The following CHTOP variants were observed in gnomAD, a reference collection of about 807,000 sequenced individuals.
The protein encoded by CHTOP is chromatin target of PRMT1, also known as chromatin target of PRMT1 protein.
A neutral mutation model predicts 33.6 loss-of-function variants in CHTOP; 18 were observed. The observed-to-expected ratio is 0.54, with a 90% CI of 0.37 to 0.80. The LOEUF is 0.80. Among genes scored for constraint, CHTOP ranks in the 30% least tolerant of loss-of-function variants. The probability of loss-of-function intolerance (pLI) is 0.00; values close to 1 mark genes in which losing one functional copy is unlikely to be tolerated. For synonymous variants in CHTOP, 117 were observed against 127.7 expected, an observed-to-expected ratio of 0.92 and a Z score of 0.56; for missense variants, 263 against 336.8, an observed-to-expected ratio of 0.78 and a Z score of 1.71.
intron 2 of CHTOP, chr1:153,636,999 G>A (rs1668431514): frequency 4.9e-6 from 1 of 206,156 alleles, no homozygotes; most frequent in African/African-American, 2.3e-5. Context: ...CCAGTCCAAG[G>A]CCAGCAGTGT....
intron 5 of CHTOP, among the ~76,000 whole-genome samples, 196 bp from the exon 6 acceptor site, chr1:153,644,868 T>C (rs982213941): frequency 4.6e-5 from 7 of 152,240 alleles, no homozygotes; most frequent in Non-Finnish European, 1.0e-4. Flanking sequence ...GATCATGTGA[T>C]AGAGGATTCA....
At position 153,645,440 on chromosome 1, in the gene CHTOP, A is replaced by G. The variant is rs1668779612; in HGVS notation, c.*171A>G. 6.2e-6 allele frequency: 2 copies of G among 322,656 alleles called. No individual in the cohort carries two copies. The highest frequency in any genetic ancestry group is 5.3e-5 in the African/African-American group (2 of 37,786). The allele number at this position is 322,656 out of a possible 1,614,324, so 20.0% of individuals were successfully genotyped here. A position where few individuals can be genotyped will look rare whatever the true frequency, so the allele number is the denominator to read the frequency against. On this transcript the variant is annotated 3_prime_UTR_variant, in exon 6 of 6. Transcript: ENST00000368694. ...TAGTGTGTTCCTTTTACTTTTTGAT[A>G]CTGTGTTGTATGAAACCCTTTTGTC...
At chr1:153,640,826 A>T (rs1668594868) in intron 3 of CHTOP, among the ~76,000 whole-genome samples, 1 of 152,246 alleles carries the variant, frequency 6.6e-6, no homozygotes, top group Admixed American at 6.5e-5. Context: ...CTTACACAGC[A>T]CACCTCTAGA....
chr1:153,639,923 G>A (rs1318142395), intron 3 of CHTOP, among the ~76,000 whole-genome samples: 7 of 151,968 alleles, frequency 4.6e-5, no homozygotes, highest in South Asian at 4.1e-4. Context: ...ACAGGCGCCC[G>A]CCACCACACC....
chr1:153,634,865 TG>T (rs5777875), intron 1 of CHTOP, among the ~76,000 whole-genome samples: 68,248 of 146,318 alleles, frequency 0.47, 16,152 homozygotes, highest in East Asian at 0.66. Flanking sequence ...TATTTTTTTT[TG>T]GGGGGGGACG....
chr1:153,638,025 A>G (rs906604340), intron 2 of CHTOP: 3 of 415,722 alleles, frequency 7.2e-6, no homozygotes, highest in African/African-American at 2.0e-5. Context: ...CGTGTTTTTC[A>G]TACCTTCCAC....
At chr1:153,637,998 G>T in intron 2 of CHTOP, 1 of 348,182 alleles carries the variant, frequency 2.9e-6, no homozygotes, top group Non-Finnish European at 5.4e-6. Context: ...TCTGTCTCTT[G>T]TCATATCTGC....
rs565699399 is a variant in CHTOP at position 153,636,792 on chromosome 1, G to A, written c.65+139G>A. On this transcript the variant is annotated intron_variant, in intron 2 of 5. Transcript: ENST00000368694. ...ACCTCTGTTCTTAGTTGCATCTCAT[G>A]TGGTACACAAAACAAATTGGGCGGT... The A allele has an allele frequency of 5.9e-4, 399 of 673,170 alleles. 2 individuals are homozygous for A. In the African/African-American group the frequency reaches 6.8e-3, roughly 11 times the overall value. 41.7% of individuals were successfully genotyped at this position (673,170 alleles called of 1,614,324 possible).
In CHTOP at chr1:153,646,038, G is replaced by GA. The variant is rs1668815124; in HGVS notation, c.*770dup. On this transcript the variant is annotated 3_prime_UTR_variant, in exon 6 of 6. Transcript: ENST00000368694. ...TAGGGTTGGTTTATACTGCAATATA[G>GA]AGGATCAGAAGCCATTTGATTTGGT... The GA allele has an allele frequency of 6.6e-6, 1 of 152,246 alleles. No individual in the cohort carries two copies. The highest frequency in any genetic ancestry group is 1.5e-5 in the Non-Finnish European group (1 of 68,050). The allele number at this position is 152,246 out of a possible 1,614,324, so 9.4% of individuals were successfully genotyped here.
At chr1:153,639,622 C>G (rs1668543501) in intron 3 of CHTOP, among the ~76,000 whole-genome samples, 1 of 152,160 alleles carries the variant, frequency 6.6e-6, no homozygotes, top group Non-Finnish European at 1.5e-5. Context: ...CTCAGGAAAG[C>G]AGCAAAAGGC....
chr1:153,640,226 G>A (rs1021428438), intron 3 of CHTOP, among the ~76,000 whole-genome samples: 1 of 151,928 alleles, frequency 6.6e-6, no homozygotes, highest in African/African-American at 2.4e-5. Context: ...TGTAATCCCA[G>A]CACTCTGGGA....
At position 153,645,275 on chromosome 1, in the gene CHTOP, G is replaced by A. The variant is rs1668772498; in HGVS notation, c.*6G>A. The A allele has an allele frequency of 6.2e-7, 1 of 1,613,826 alleles. No homozygotes were observed. Among genetic ancestry groups the A allele is most frequent in the Non-Finnish European group, 8.5e-7 (1 of 1,179,852 alleles). On this transcript the variant is annotated 3_prime_UTR_variant, in exon 6 of 6. Transcript: ENST00000368694. ...ATCCCGAAACCAATGATTGAAGCCT[G>A]CCCATCCTCCCATGAGAGACTCTTG...
In CHTOP at chr1:153,643,384, C is replaced by G; in HGVS notation, c.541+20C>G. The G allele has an allele frequency of 6.6e-7, 1 of 1,512,576 alleles. No homozygotes were observed. Among genetic ancestry groups the G allele is most frequent in the Non-Finnish European group, 8.8e-7 (1 of 1,132,992 alleles). 93.7% of individuals were successfully genotyped at this position (1,512,576 alleles called of 1,614,324 possible). On this transcript the variant is annotated intron_variant, in intron 5 of 5. Transcript: ENST00000368694. ...GTAGAGGTTAGTCAGCTACCAACTT[C>G]AGAGAGTAGCTCCCCCTTACTTTCC...
At chr1:153,636,831 C>T (rs955378748) in intron 2 of CHTOP, 178 bp downstream of exon 2, 41 of 579,574 alleles carry the variant, frequency 7.1e-5, no homozygotes, top group Non-Finnish European at 1.3e-4. Context: ...TTCAAAACCC[C>T]TTATCAGTAG....
At position 153,643,271 on chromosome 1, in the gene CHTOP, G is replaced by A; in HGVS notation, c.448G>A (p.Gly150Ser). The change falls in exon 5 of 6, where the codon GGC becomes AGC. Residue 150 changes from glycine to serine, a missense_variant. By Grantham distance (56) the Gly-to-Ser change is moderately conservative. Transcript: ENST00000368694. ...TGGACGAGCCGTAGCTCCCCGAATG[G>A]GCTTAAGAAGAGGTGGTGTTCGAGG... is the stretch of plus-strand genomic sequence containing the variant. ...RGGRAVAPRMGLRRGGVRGRG... is the reference protein window; with the variant it reads ...RGGRAVAPRMSLRRGGVRGRG... The A allele has an allele frequency of 1.9e-6, 3 of 1,614,104 alleles. No homozygotes were observed. The highest frequency in any genetic ancestry group is 2.5e-6 in the Non-Finnish European group (3 of 1,180,012).
At position 153,646,184 on chromosome 1, in the gene CHTOP, A is replaced by G. The variant is rs1168691886; in HGVS notation, c.*915A>G. ...AAACTAATCTTGGACTTTTCCACTC[A>G]TTAGCTTTGTTTTGCCCTTGTTTCC... On this transcript the variant is annotated 3_prime_UTR_variant, in exon 6 of 6. Transcript: ENST00000368694. The G allele has an allele frequency of 1.3e-5, 2 of 152,142 alleles. No homozygotes were observed. Among genetic ancestry groups the G allele is most frequent in the African/African-American group, 4.8e-5 (2 of 41,426 alleles). The allele number at this position is 152,142 out of a possible 1,614,324, so 9.4% of individuals were successfully genotyped here.
At chr1:153,642,998 A>T in intron 4 of CHTOP, 1 of 550,048 alleles carries the variant, frequency 1.8e-6, no homozygotes, top group Non-Finnish European at 3.3e-6. Context: ...AAATGTATGT[A>T]CTTACTAATT....
At chr1:153,641,256 A>G (rs1205752809) in intron 3 of CHTOP, among the ~76,000 whole-genome samples, 1 of 152,248 alleles carries the variant, frequency 6.6e-6, no homozygotes, top group Non-Finnish European at 1.5e-5. Flanking sequence ...AAGGGGCTAT[A>G]CAATTTATTT....
chr1:153,645,362 G>T lies in CHTOP; in HGVS notation c.*93G>T. ...GATGAGAAGAAATCTGATTGATGCTGGATGGACCTATCACAATAGGCTGTG... is the reference window on the plus strand; with the variant it reads ...GATGAGAAGAAATCTGATTGATGCTTGATGGACCTATCACAATAGGCTGTG... On this transcript the variant is annotated 3_prime_UTR_variant, in exon 6 of 6. Transcript: ENST00000368694. 8.1e-7 allele frequency: 1 copy of T among 1,230,088 alleles called. No homozygotes were observed. The highest frequency in any genetic ancestry group is 1.1e-6 in the Non-Finnish European group (1 of 871,082). 76.2% of individuals were successfully genotyped at this position (1,230,088 alleles called of 1,614,324 possible). A position where few individuals can be genotyped will look rare whatever the true frequency, so the allele number is the denominator to read the frequency against.
Sources: gnomAD v4.1 joint callset for allele counts (sites outside exome capture counted in the v4.1 genomes callset) on GRCh38, gnomAD v4.1.1 for gene constraint, MANE v1.5 for transcripts, NCBI Gene and HGNC (gene_info 2026-07-23, HGNC 2026-07-21) for gene names.